The following ATIC variants were observed in gnomAD, a reference collection of about 807,000 sequenced individuals.
ATIC encodes bifunctional purine biosynthesis protein ATIC.
A neutral mutation model predicts 72.5 loss-of-function variants in ATIC; 64 were observed. That is an observed-to-expected ratio of 0.88 (90% CI 0.72 to 1.09). The LOEUF (loss-of-function observed/expected upper bound fraction) is 1.09. Among genes scored for constraint, ATIC ranks in the 50% least tolerant of loss-of-function variants. The pLI, the probability that ATIC is intolerant of heterozygous loss-of-function variation, is 0.00. For missense variants in ATIC, 787 were observed against 732.4 expected, an observed-to-expected ratio of 1.07 and a Z score of -0.86; for synonymous variants, 281 against 267.1, an observed-to-expected ratio of 1.05 and a Z score of -0.51.
chr2:215,348,955 T>TA (rs376547846), intron 14 of ATIC, 139 bp from the exon 15 acceptor site: 14,509 of 548,122 alleles, frequency 0.026, 2 homozygotes, highest in Non-Finnish European at 0.031. Flanking sequence ...AAACTCCGTC[T>TA]AAAAAAAAAA....
At chr2:215,333,249 G>A in intron 8 of ATIC, 101 bp from the exon 9 acceptor site, 4 of 935,802 alleles carry the variant, frequency 4.3e-6, no homozygotes, top group South Asian at 1.3e-5. Flanking sequence ...ACTAGAAAAT[G>A]TGCTGCGTAG....
intron 13 of ATIC, among the ~76,000 whole-genome samples, chr2:215,345,760 A>G (rs1199851063): frequency 6.6e-6 from 1 of 152,250 alleles, no homozygotes. Flanking sequence ...AAGTCCATGT[A>G]GAATGAGTGC....
In ATIC at chr2:215,338,917, G is replaced by A; in HGVS notation, c.1227+10G>A. ...TACCAAAAATAAAGATGTAAGTTGG[G>A]AAGTATCTGAACTGACTGCTAGTAA... On this transcript the variant is annotated intron_variant, in intron 12 of 15. Coordinates refer to ENST00000236959, the MANE Select transcript of ATIC (RefSeq NM_004044.7). 3 of 1,612,594 alleles carry A rather than the reference G, an allele frequency of 1.9e-6. No individual in the cohort carries two copies. In the East Asian group the frequency reaches 6.7e-5, roughly 36 times the overall value.
chr2:215,354,736 C>T (rs1383493246), downstream of ATIC, among the ~76,000 whole-genome samples: 1 of 150,986 alleles, frequency 6.6e-6, no homozygotes, highest in Non-Finnish European at 1.5e-5. Flanking sequence ...TATCATCTTT[C>T]TAGCTTTGTT....
chr2:215,335,691 T>C (rs1365891064), intron 10 of ATIC, among the ~76,000 whole-genome samples: 1 of 152,208 alleles, frequency 6.6e-6, no homozygotes, highest in African/African-American at 2.4e-5. Context: ...CATTTAACCA[T>C]GTACTAGGAG....
intron 7 of ATIC, 50 bp from the exon 8 acceptor site, chr2:215,332,332 T>C (rs1355797203): frequency 1.2e-6 from 2 of 1,612,722 alleles, no homozygotes; most frequent in African/African-American, 1.3e-5. Context: ...TGCATACATC[T>C]GACCTTACTG....
At chr2:215,334,022 A>G (rs1211262990) in intron 9 of ATIC, among the ~76,000 whole-genome samples, 1 of 151,256 alleles carries the variant, frequency 6.6e-6, no homozygotes, top group Non-Finnish European at 1.5e-5. Context: ...AGCCTGGGTG[A>G]CAGAGCGATA....
chr2:215,332,281 C>G, intron 7 of ATIC, 101 bp from the exon 8 acceptor site: 1 of 1,500,144 alleles, frequency 6.7e-7, no homozygotes. Context: ...CTTAATTATA[C>G]TTAAAACATT....
intron 2 of ATIC, among the ~76,000 whole-genome samples, chr2:215,314,694 T>C (rs1203352417): frequency 6.6e-6 from 1 of 151,898 alleles, no homozygotes; most frequent in Non-Finnish European, 1.5e-5. Flanking sequence ...AGAGACAGAG[T>C]TTCACCATGT....
intron 1 of ATIC, 144 bp downstream of exon 1, chr2:215,312,305 G>T: frequency 1.4e-6 from 2 of 1,442,778 alleles, no homozygotes; most frequent in Non-Finnish European, 1.8e-6. Flanking sequence ...CGGCCGGGCC[G>T]CAGCCTGCGT....
chr2:215,349,708 C>A lies in ATIC; in HGVS notation c.*53C>A. The A allele has an allele frequency of 1.2e-6, 2 of 1,613,758 alleles. No homozygotes were observed. The highest frequency in any genetic ancestry group is 2.2e-5 in the South Asian group (2 of 91,060). On this transcript the variant is annotated 3_prime_UTR_variant, in exon 16 of 16. Coordinates refer to ENST00000236959, the MANE Select transcript of ATIC (RefSeq NM_004044.7). ...CTTATGTGTAGGTGAACAGTCACGC[C>A]TGAAACTTTGAGGATAACTTTTTAA... is the stretch of plus-strand genomic sequence containing the variant.
At chr2:215,312,476 GA>G (rs771601710) in intron 1 of ATIC, 21 bp from the exon 2 acceptor site, 6 of 1,614,180 alleles carry the variant, frequency 3.7e-6, no homozygotes, top group Non-Finnish European at 5.1e-6. Context: ...CGAATCATGA[GA>G]AAAAATGTCT....
Position 215,312,756 on chromosome 2 carries a change from C to T in ATIC, c.146+132C>T, listed in dbSNP as rs1397388595. The T allele has an allele frequency of 2.9e-6, 4 of 1,397,698 alleles. No individual in the cohort carries two copies. The East Asian group carries it at 9.8e-5, about 34-fold the overall frequency. 86.6% of individuals were successfully genotyped at this position (1,397,698 alleles called of 1,614,324 possible). On this transcript the variant is annotated intron_variant, in intron 2 of 15. Transcript: ENST00000236959. Reference sequence around the variant, plus strand: ...GCTGTGAGGTTGGTGTAATACTTCCCCACTTTATGGGGAAAAAAAGTGAGG... The same window carrying T: ...GCTGTGAGGTTGGTGTAATACTTCCTCACTTTATGGGGAAAAAAAGTGAGG...
At chr2:215,366,555 A>G in the ATIC span, among the ~76,000 whole-genome samples, 2 of 152,254 alleles carry the variant, frequency 1.3e-5, no homozygotes, top group Admixed American at 1.3e-4. Flanking sequence ...TCACAGTTTT[A>G]TGCCTTTAAC....
At chr2:215,324,247 C>T (rs7558689) in intron 4 of ATIC, among the ~76,000 whole-genome samples, 16 of 152,300 alleles carry the variant, frequency 1.1e-4, no homozygotes, top group African/African-American at 3.4e-4. Context: ...CTTTCACCAT[C>T]AAGTATGATG....
At position 215,312,149 on chromosome 2, in the gene ATIC, C is replaced by A. The variant is rs1367416613; in HGVS notation, c.7C>A (p.Pro3Thr). 2.0e-6 allele frequency: 3 copies of A among 1,523,996 alleles called. No individual in the cohort carries two copies. Among genetic ancestry groups the A allele is most frequent in the East Asian group, 2.5e-5 (1 of 39,600 alleles). The allele number at this position is 1,523,996 out of a possible 1,614,324, so 94.4% of individuals were successfully genotyped here. MA[P>T]GQLALFSVSD... ...GAACCCAGTGCCTGCAGCCATGGCT[C>A]CCGGCCAGCTCGGTGAGGCCCTAGC... The change falls in exon 1 of 16, where the codon CCC (proline) becomes ACC (threonine). Residue 3 changes from proline to threonine, a missense_variant. Transcript: ENST00000236959.
Position 215,312,644 on chromosome 2 carries a change from A to G in ATIC, c.146+20A>G, listed in dbSNP as rs745752988. 1.4e-5 allele frequency: 23 copies of G among 1,614,126 alleles called. No homozygotes were observed. Among genetic ancestry groups the G allele is most frequent in the Non-Finnish European group, 1.9e-5 (22 of 1,180,030 alleles). ...AGTCAGGTAAGGCATAGCTAGTTCC[A>G]TCAGAAAGGAGTGTGATCACATTAA... On this transcript the variant is annotated intron_variant, in intron 2 of 15. Transcript: ENST00000236959.
At chr2:215,360,370 C>CAAAGT in the ATIC span, 1 of 152,146 alleles carries the variant, frequency 6.6e-6, no homozygotes, top group South Asian at 2.1e-4. Flanking sequence ...TCAGCTGACC[C>CAAAGT]AAAGTAAGAC....
At chr2:215,354,152 C>T (rs1365629793), downstream of ATIC, among the ~76,000 whole-genome samples, 5 of 151,946 alleles carry the variant, frequency 3.3e-5, no homozygotes, top group East Asian at 1.9e-4. Context: ...CTCAGCCTCC[C>T]GAGTAGCTGG....
Sources: allele counts gnomAD v4.1 joint callset (sites outside exome capture counted in the v4.1 genomes callset), GRCh38; gene constraint gnomAD v4.1.1; transcripts MANE v1.5; gene names NCBI Gene and HGNC (gene_info 2026-07-23, HGNC 2026-07-21).